NRCAM: variants seen among roughly 807,000 people sequenced by gnomAD.
The protein encoded by NRCAM is NgCAM-related cell adhesion molecule.
NRCAM carries 83 observed loss-of-function variants against 156.5 expected under a neutral mutation model. That is an observed-to-expected ratio of 0.53 (90% CI 0.44 to 0.64). The LOEUF is 0.64. Ranked by LOEUF, NRCAM falls within the 30% of genes least tolerant of loss-of-function variation. NRCAM has a pLI of 0.00. For synonymous variants in NRCAM, 538 were observed against 563.9 expected, an observed-to-expected ratio of 0.95 and a Z score of 0.65; for missense variants, 1,417 against 1,597.3, an observed-to-expected ratio of 0.89 and a Z score of 1.92.
At chr7:108,455,988 G>T (rs1370073222) in intron 1 of NRCAM, among the ~76,000 whole-genome samples, 1 of 152,214 alleles carries the variant, frequency 6.6e-6, no homozygotes, top group Non-Finnish European at 1.5e-5. Flanking sequence ...CTGGATTTCA[G>T]CTGTGCCTTC....
intron 11 of NRCAM, among the ~76,000 whole-genome samples, chr7:108,213,859 G>A (rs1345162205): frequency 2.0e-5 from 3 of 152,116 alleles, no homozygotes; most frequent in Admixed American, 2.0e-4. Context: ...ATGATCATGT[G>A]GTTTTTGTCA....
At position 108,182,844 on chromosome 7, in the gene NRCAM, T is replaced by G. The variant is rs778437488; in HGVS notation, c.2381A>C (p.Glu794Ala). The change falls in exon 23 of 33, where the codon GAA becomes GCA. Residue 794 changes from glutamate (E) to alanine (A), a missense_variant. Coordinates refer to ENST00000379028, the MANE Select transcript of NRCAM (RefSeq NM_001037132.4). Reference sequence around the variant, plus strand: ...ATTTGCCACAACCACAGATGTCCATTCATCATCACCATCTTTCTGGCGCCA... The same window carrying G: ...ATTTGCCACAACCACAGATGTCCATGCATCATCACCATCTTTCTGGCGCCA... ...VSWRQKDGDD[E>A]WTSVVVANVS... 2 of 1,614,236 alleles carry G rather than the reference T, an allele frequency of 1.2e-6. No individual in the cohort carries two copies. Among genetic ancestry groups the G allele is most frequent in the South Asian group, 2.2e-5 (2 of 91,090 alleles).
At chr7:108,339,788 T>C (rs2099254182) in intron 2 of NRCAM, among the ~76,000 whole-genome samples, 1 of 152,184 alleles carries the variant, frequency 6.6e-6, no homozygotes, top group Non-Finnish European at 1.5e-5. Flanking sequence ...GGCATCCCTA[T>C]GTTCTTTTTT....
intron 3 of NRCAM, among the ~76,000 whole-genome samples, chr7:108,255,734 G>A (rs1031717661): frequency 1.5e-4 from 22 of 151,602 alleles, no homozygotes; most frequent in Non-Finnish European, 2.8e-4. Context: ...GCCTCTGCCC[G>A]GCCACGACCC....
intron 3 of NRCAM, among the ~76,000 whole-genome samples, chr7:108,242,493 G>A (rs547555078): frequency 6.6e-6 from 1 of 152,242 alleles, no homozygotes; most frequent in Non-Finnish European, 1.5e-5. Context: ...TGTGTGCAAA[G>A]CACATCTAGA....
intron 3 of NRCAM, among the ~76,000 whole-genome samples, chr7:108,300,149 AT>A (rs968469754): frequency 8.3e-6 from 1 of 120,250 alleles, no homozygotes; most frequent in African/African-American, 3.3e-5. Context: ...CCTTCCCCAA[AT>A]TTCTGTTGAC....
intron 8 of NRCAM, among the ~76,000 whole-genome samples, chr7:108,227,449 ATTTC>A (rs1198768240): frequency 1.3e-5 from 2 of 152,158 alleles, no homozygotes; most frequent in Admixed American, 6.5e-5. Context: ...GACAGTTACG[ATTTC>A]TTTGTTGTGA....
At chr7:108,388,885 A>T (rs201588093) in intron 2 of NRCAM, among the ~76,000 whole-genome samples, 8 of 151,318 alleles carry the variant, frequency 5.3e-5, no homozygotes, top group African/African-American at 9.8e-5. Flanking sequence ...TGCGGCATTA[A>T]TTCTGAGGGC....
chr7:108,168,458 G>C, intron 28 of NRCAM, 56 bp from the exon 29 acceptor site: 1 of 1,411,394 alleles, frequency 7.1e-7, no homozygotes, highest in African/African-American at 1.5e-5. Context: ...CCATACACAC[G>C]AATATAAAAT....
At position 108,442,107 on chromosome 7, in the gene NRCAM, C is replaced by T. The variant is rs187395532; in HGVS notation, c.-332+14136G>A. ...CATATAATACCTCGGGAGCAGGCTG[C>T]CCATACAGTAATACCTTGGGATCAG... is the stretch of plus-strand genomic sequence containing the variant. On this transcript the variant is annotated intron_variant, in intron 1 of 32. Coordinates refer to ENST00000379028, the MANE Select transcript of NRCAM (RefSeq NM_001037132.4). 2.0e-4 allele frequency among the ~76,000 whole-genome samples: 31 copies of T among 152,288 alleles called. No homozygotes were observed. In the East Asian group the frequency reaches 5.6e-3, roughly 27 times the overall value.
intron 2 of NRCAM, among the ~76,000 whole-genome samples, chr7:108,332,871 T>G (rs1219896638): frequency 2.0e-5 from 3 of 151,956 alleles, no homozygotes; most frequent in South Asian, 2.1e-4. Context: ...AAGAACAGAA[T>G]AGACAATGTA....
intron 19 of NRCAM, among the ~76,000 whole-genome samples, 161 bp from the exon 20 acceptor site, chr7:108,189,907 G>A (rs915187004): frequency 5.3e-5 from 8 of 152,122 alleles, no homozygotes; most frequent in Non-Finnish European, 1.0e-4. Context: ...GAGGCTGCTG[G>A]GAACACACGA....
At chr7:108,349,189 C>G (rs2099392946) in intron 2 of NRCAM, among the ~76,000 whole-genome samples, 1 of 152,080 alleles carries the variant, frequency 6.6e-6, no homozygotes, top group South Asian at 2.1e-4. Context: ...GTTATTACTG[C>G]TCTGAGCCTC....
At chr7:108,381,242 T>C (rs2099699699) in intron 2 of NRCAM, among the ~76,000 whole-genome samples, 1 of 152,220 alleles carries the variant, frequency 6.6e-6, no homozygotes, top group Non-Finnish European at 1.5e-5. Flanking sequence ...TTCCCATTTT[T>C]CTTCATTTTT....
intron 3 of NRCAM, among the ~76,000 whole-genome samples, chr7:108,261,632 G>A (rs941203751): frequency 1.3e-5 from 2 of 152,116 alleles, no homozygotes; most frequent in African/African-American, 4.8e-5. Flanking sequence ...GACCCCTCGT[G>A]TGCACCACTT....
At chr7:108,207,897 A>G (rs954733675) in intron 12 of NRCAM, among the ~76,000 whole-genome samples, 1 of 152,150 alleles carries the variant, frequency 6.6e-6, no homozygotes, top group African/African-American at 2.4e-5. Context: ...TACAAATTTC[A>G]TTTTCTCATT....
chr7:108,322,105 G>A (rs12055979), intron 2 of NRCAM, among the ~76,000 whole-genome samples: 52,361 of 151,970 alleles, frequency 0.34, 9,785 homozygotes, highest in African/African-American at 0.5. Context: ...ATGAAATGAG[G>A]AGAAGTTTTG....
At chr7:108,198,342 T>C (rs914618867) in intron 13 of NRCAM, among the ~76,000 whole-genome samples, 2 of 152,078 alleles carry the variant, frequency 1.3e-5, no homozygotes, top group Non-Finnish European at 2.9e-5. Flanking sequence ...AAGTATTATT[T>C]ATTTTTATTT....
chr7:108,151,730 T>C (rs1201068021), intron 32 of NRCAM, among the ~76,000 whole-genome samples: 1 of 152,212 alleles, frequency 6.6e-6, no homozygotes, highest in African/African-American at 2.4e-5. Context: ...GTCTAACCTG[T>C]TATGAAAATA....
Sources: allele counts gnomAD v4.1 joint callset (sites outside exome capture counted in the v4.1 genomes callset), GRCh38; gene constraint gnomAD v4.1.1; transcripts MANE v1.5; gene names NCBI Gene and HGNC (gene_info 2026-07-23, HGNC 2026-07-21).